The following BRINP2 variants were observed in gnomAD, a reference collection of about 807,000 sequenced individuals.
BRINP2 encodes BMP/retinoic acid-inducible neural-specific protein 2.
A neutral mutation model predicts 69.2 loss-of-function variants in BRINP2; 21 were observed. The observed-to-expected ratio is 0.30, with a 90% confidence interval of 0.22 to 0.44. BRINP2 has a LOEUF of 0.44. Among genes scored for constraint, BRINP2 ranks in the 20% least tolerant of loss-of-function variants. The pLI is 1.00. For synonymous variants in BRINP2, 380 were observed against 394.1 expected, an observed-to-expected ratio of 0.96 and a Z score of 0.42; for missense variants, 877 against 986.0, an observed-to-expected ratio of 0.89 and a Z score of 1.48.
intron 1 of BRINP2, among the ~76,000 whole-genome samples, chr1:177,177,337 A>C (rs562951616): frequency 6.6e-6 from 1 of 152,246 alleles, no homozygotes; most frequent in South Asian, 2.1e-4. Context: ...TTGTGGACCT[A>C]CCAAGAAGAA....
intron 1 of BRINP2, among the ~76,000 whole-genome samples, chr1:177,210,569 C>T (rs1187214198): frequency 6.6e-6 from 1 of 152,024 alleles, no homozygotes; most frequent in African/African-American, 2.4e-5. Context: ...ATGATAGCCA[C>T]CAGCCACATG....
At chr1:177,210,637 TTA>T (rs202083061) in intron 1 of BRINP2, among the ~76,000 whole-genome samples, 2 of 151,882 alleles carry the variant, frequency 1.3e-5, no homozygotes, top group African/African-American at 4.9e-5. Flanking sequence ...TTTTAAGTTT[TTA>T]TTTTTTTAAG....
intron 1 of BRINP2, among the ~76,000 whole-genome samples, chr1:177,184,797 T>C (rs1002099053): frequency 1.3e-5 from 2 of 152,048 alleles, no homozygotes; most frequent in East Asian, 3.9e-4. Context: ...AAAATATGGG[T>C]TACTAGAAAG....
At chr1:177,214,828 T>C (rs1649330379) in intron 1 of BRINP2, among the ~76,000 whole-genome samples, 1 of 152,214 alleles carries the variant, frequency 6.6e-6, no homozygotes, top group Non-Finnish European at 1.5e-5. Flanking sequence ...AGTGATGCTA[T>C]GATTTTTGAA....
intron 2 of BRINP2, among the ~76,000 whole-genome samples, chr1:177,234,316 A>G (rs947206176): frequency 6.6e-5 from 10 of 152,182 alleles, no homozygotes; most frequent in Non-Finnish European, 1.3e-4. Flanking sequence ...CCTGACTTGA[A>G]GTCTCCTGCT....
intron 1 of BRINP2, among the ~76,000 whole-genome samples, chr1:177,215,059 T>G (rs946306493): frequency 3.3e-5 from 5 of 152,212 alleles, no homozygotes; most frequent in Non-Finnish European, 5.9e-5. Flanking sequence ...ATCTCCCCAG[T>G]CTCCCCAGTC....
intron 1 of BRINP2, among the ~76,000 whole-genome samples, chr1:177,224,144 G>A (rs1649624897): frequency 6.6e-6 from 1 of 152,082 alleles, no homozygotes; most frequent in Admixed American, 6.5e-5. Flanking sequence ...AGGAGGTTTT[G>A]CATCAAGATA....
chr1:177,196,293 C>T (rs148595603), intron 1 of BRINP2, among the ~76,000 whole-genome samples: 1 of 152,286 alleles, frequency 6.6e-6, no homozygotes, highest in East Asian at 1.9e-4. Context: ...TGCACTGACT[C>T]GTTTAAGGAG....
At chr1:177,272,024 C>T (rs894942677) in intron 4 of BRINP2, among the ~76,000 whole-genome samples, 2 of 152,186 alleles carry the variant, frequency 1.3e-5, no homozygotes, top group Non-Finnish European at 2.9e-5. Context: ...TTCATATTCA[C>T]CATGGTAACA....
chr1:177,276,543 C>T (rs1651501711), intron 6 of BRINP2, 109 bp downstream of exon 6: 1 of 957,756 alleles, frequency 1.0e-6, no homozygotes, highest in Non-Finnish European at 1.6e-6. Context: ...GGGATCCTGA[C>T]ATGACCACTT....
rs775801834 is a variant in BRINP2 at position 177,255,936 on chromosome 1, A to C, written c.287A>C (p.Lys96Thr). 6.2e-7 allele frequency: 1 copy of C among 1,614,160 alleles called. No individual in the cohort carries two copies. The highest frequency in any genetic ancestry group is 8.5e-7 in the Non-Finnish European group (1 of 1,180,010). The change falls in exon 3 of 8, where the codon AAG (lysine) becomes ACG (threonine). Residue 96 changes from lysine to threonine, a missense_variant. Physicochemically the swap from Lys to Thr is moderately conservative, Grantham distance 78. Around this residue, in one of 3 missense-constraint regions of BRINP2, gnomAD observed 566 missense variants for 625.2 expected, o/e 0.91. Transcript: ENST00000361539. ...YRIYREFARW[K>T]VNNLALERKD... Reference sequence around the variant, plus strand: ...TCCCCCAGGGAGTTTGCCCGTTGGAAGGTGAACAACTTGGCTCTGGAAAGG... The same window carrying C: ...TCCCCCAGGGAGTTTGCCCGTTGGACGGTGAACAACTTGGCTCTGGAAAGG...
chr1:177,191,050 G>C (rs1268903932), intron 1 of BRINP2, among the ~76,000 whole-genome samples: 2 of 152,148 alleles, frequency 1.3e-5, no homozygotes, highest in African/African-American at 4.8e-5. Context: ...GGCCCTGGCT[G>C]TGTCATCAAC....
chr1:177,273,908 C>G (rs201513769), intron 5 of BRINP2, among the ~76,000 whole-genome samples: 9 of 97,144 alleles, frequency 9.3e-5, no homozygotes, highest in African/African-American at 2.4e-4. Context: ...TATAAGAAGC[C>G]TTTACCTAGT....
Position 177,229,361 on chromosome 1 carries a change from C to T in BRINP2, c.-76-440C>T, listed in dbSNP as rs1173099537. 4.6e-5 allele frequency among the ~76,000 whole-genome samples: 7 copies of T among 152,140 alleles called. No individual in the cohort carries two copies. The East Asian group carries it at 1.2e-3, about 25-fold the overall frequency. On this transcript the variant is annotated intron_variant, in intron 1 of 7. Coordinates refer to ENST00000361539, the MANE Select transcript of BRINP2 (RefSeq NM_021165.4). ...TTGCTTCTCACCTTACATCAAACTT[C>T]GAGAGGCAGCCCACAGTCTGAGGCA...
chr1:177,230,697 C>G (rs1264618344), intron 2 of BRINP2, among the ~76,000 whole-genome samples: 1 of 152,214 alleles, frequency 6.6e-6, no homozygotes, highest in Non-Finnish European at 1.5e-5. Flanking sequence ...GGCCCATCCC[C>G]AGAAGCATCA....
At chr1:177,217,679 C>G (rs190096059) in intron 1 of BRINP2, among the ~76,000 whole-genome samples, 6 of 152,250 alleles carry the variant, frequency 3.9e-5, no homozygotes, top group Admixed American at 3.3e-4. Context: ...TAATCTACCC[C>G]TATGATTCTG....
chr1:177,269,349 G>C (rs1651234184), intron 4 of BRINP2, among the ~76,000 whole-genome samples: 1 of 152,194 alleles, frequency 6.6e-6, no homozygotes, highest in Non-Finnish European at 1.5e-5. Context: ...TAGACATCCT[G>C]TCCATAATTC....
At chr1:177,218,533 T>G (rs2102316287) in intron 1 of BRINP2, among the ~76,000 whole-genome samples, 1 of 152,338 alleles carries the variant, frequency 6.6e-6, no homozygotes, top group South Asian at 2.1e-4. Flanking sequence ...CCTCCTGACT[T>G]TGTTTTTACC....
At chr1:177,198,406 T>G (rs1648807854) in intron 1 of BRINP2, among the ~76,000 whole-genome samples, 1 of 152,184 alleles carries the variant, frequency 6.6e-6, no homozygotes, top group South Asian at 2.1e-4. Context: ...CCTATTTAAT[T>G]TTTCAGCAAA....
Sources: allele counts gnomAD v4.1 joint callset (sites outside exome capture counted in the v4.1 genomes callset), GRCh38; gene constraint gnomAD v4.1.1; regional missense constraint gnomAD v4.1.1; transcripts MANE v1.5; gene names NCBI Gene and HGNC (gene_info 2026-07-23, HGNC 2026-07-21).